The following BIRC2 variants were observed in gnomAD, a reference collection of about 807,000 sequenced individuals.
BIRC2 encodes the protein baculoviral IAP repeat-containing protein 2.
In BIRC2, 18 loss-of-function variants were observed where a neutral mutation model predicts 60.9. The ratio of observed to expected loss-of-function variants is 0.30; its 90% confidence interval spans 0.20 to 0.44. The LOEUF (loss-of-function observed/expected upper bound fraction) is 0.44, where lower values mean the gene tolerates loss of function less well. Ranked by LOEUF, BIRC2 falls within the 20% of genes least tolerant of loss-of-function variation. BIRC2 has a pLI of 1.00. For missense variants in BIRC2, 701 were observed against 728.5 expected (o/e 0.96, Z 0.43); for synonymous variants, 282 against 247.7 (o/e 1.14, Z -1.30).
chr11:102,374,608 C>A (rs1951682369), intron 6 of BIRC2, among the ~76,000 whole-genome samples: 1 of 151,498 alleles, frequency 6.6e-6, no homozygotes, highest in African/African-American at 2.4e-5. Flanking sequence ...GCAGAGGTTA[C>A]TGCTGTCTTT....
At chr11:102,369,499 A>ATT (rs1391341276) in intron 6 of BIRC2, among the ~76,000 whole-genome samples, 2 of 150,962 alleles carry the variant, frequency 1.3e-5, no homozygotes, top group Non-Finnish European at 3.0e-5. Context: ...CGAACTCATC[A>ATT]TTTTTTATGG....
At chr11:102,363,491 A>G (rs930680469) in intron 4 of BIRC2, among the ~76,000 whole-genome samples, 177 bp from the exon 5 acceptor site, 3 of 152,228 alleles carry the variant, frequency 2.0e-5, no homozygotes, top group African/African-American at 4.8e-5. Flanking sequence ...TTGGGATGAC[A>G]TGAAATTTAA....
intron 3 of BIRC2, among the ~76,000 whole-genome samples, chr11:102,354,944 G>GTTTTTTTTTTTTTTTTTT (rs61520984): frequency 1.1e-5 from 1 of 89,648 alleles, no homozygotes; most frequent in East Asian, 3.2e-4. Context: ...AATTATTTGG[G>GTTTTTTTTTTTTTTTTTT]TTTTTTTTTT....
At chr11:102,351,917 C>T (rs1951367150) in intron 3 of BIRC2, among the ~76,000 whole-genome samples, 1 of 152,020 alleles carries the variant, frequency 6.6e-6, no homozygotes, top group South Asian at 2.1e-4. Context: ...ATAACATTTA[C>T]CATCTTAACC....
chr11:102,374,992 C>T (rs1340169434), intron 6 of BIRC2, among the ~76,000 whole-genome samples: 1 of 152,226 alleles, frequency 6.6e-6, no homozygotes, highest in Non-Finnish European at 1.5e-5. Context: ...CCTTGGGCTT[C>T]CCAAGTGTGG....
intron 3 of BIRC2, among the ~76,000 whole-genome samples, chr11:102,354,350 T>C (rs973936497): frequency 1.3e-5 from 2 of 152,194 alleles, no homozygotes; most frequent in African/African-American, 4.8e-5. Flanking sequence ...GCTGACATTA[T>C]AGGCACCTGC....
rs1182821566 is a variant in BIRC2, at chr11:102,362,692, AT to A, written c.996-203del. 2.0e-5 allele frequency: 9 copies of A among 449,230 alleles called. No individual in the cohort carries two copies. The East Asian group carries it at 3.0e-4, about 15-fold the overall frequency. The allele number at this position is 449,230 out of a possible 1,614,324, so 27.8% of individuals were successfully genotyped here. On this transcript the variant is annotated intron_variant, in intron 3 of 8. Transcript: ENST00000227758. ...TTGTGTTAATGGATTGAATTAGAAA[AT>A]ACCGTGATATATAACACACAGAAGG...
chr11:102,363,550 T>G (rs182829559), intron 4 of BIRC2, 118 bp from the exon 5 acceptor site: 1 of 622,190 alleles, frequency 1.6e-6, no homozygotes, highest in African/African-American at 1.9e-5. Context: ...AGGTCATAAA[T>G]CACTCAGTTC....
intron 4 of BIRC2, among the ~76,000 whole-genome samples, chr11:102,363,405 A>G (rs1157364425): frequency 6.6e-6 from 1 of 152,152 alleles, no homozygotes; most frequent in Non-Finnish European, 1.5e-5. Flanking sequence ...TTAAAATCTT[A>G]TTTTCCAAAT....
At chr11:102,356,253 T>G (rs1951418803) in intron 3 of BIRC2, among the ~76,000 whole-genome samples, 1 of 150,332 alleles carries the variant, frequency 6.7e-6, no homozygotes, top group Non-Finnish European at 1.5e-5. Flanking sequence ...TAGAATGCAG[T>G]GGCGCAATCT....
chr11:102,375,623 A>AT (rs1951702777), intron 6 of BIRC2, among the ~76,000 whole-genome samples: 1 of 152,102 alleles, frequency 6.6e-6, no homozygotes, highest in African/African-American at 2.4e-5. Flanking sequence ...GACTAAAAAT[A>AT]CAAAAAATTA....
At position 102,347,618 on chromosome 11, in the gene BIRC2, G is replaced by GCCT. The variant is rs147195820; in HGVS notation, c.-1258+244_-1258+246dup. 1,438 of 152,402 alleles carry GCCT rather than the reference G, an allele frequency of 9.4e-3. 20 individuals carry two copies. Among genetic ancestry groups the GCCT allele is most frequent in the African/African-American group, 0.033 (1,364 of 41,586 alleles). The allele number at this position is 152,402 out of a possible 1,614,324, so 9.4% of individuals were successfully genotyped here. ...GATTTTTAAAATGACTTGTTTTCAA[G>GCCT]CCTCTGGCCGCCGCCCACTCTTCTG... is the stretch of plus-strand genomic sequence containing the variant. On this transcript the variant is annotated intron_variant, in intron 1 of 8. Transcript: ENST00000227758.
intron 3 of BIRC2, among the ~76,000 whole-genome samples, chr11:102,353,844 C>A (rs1240206551): frequency 6.6e-6 from 1 of 152,028 alleles, no homozygotes; most frequent in African/African-American, 2.4e-5. Context: ...TCACCTACCC[C>A]CTTATCCCTG....
rs1260375933 is a variant in BIRC2 at position 102,348,850 on chromosome 11, A to G, written c.-1005A>G. On this transcript the variant is annotated 5_prime_UTR_variant, in exon 2 of 9. Coordinates refer to ENST00000227758, the MANE Select transcript of BIRC2 (RefSeq NM_001166.5). ...TTTGTTAGGCGTTTCTGATAACACTAGAAAGGACAAGTTTTATCTTGTGAT... is the reference window on the plus strand; with the variant it reads ...TTTGTTAGGCGTTTCTGATAACACTGGAAAGGACAAGTTTTATCTTGTGAT... 6 of 208,614 alleles carry G rather than the reference A, an allele frequency of 2.9e-5. No individual in the cohort carries two copies. The South Asian group carries it at 3.0e-4, about 10-fold the overall frequency. The allele number at this position is 208,614 out of a possible 1,614,324, so 12.9% of individuals were successfully genotyped here.
rs56388116 is a variant in BIRC2, at chr11:102,353,661, A to ACCTTATGTAG, written c.995+2719_995+2728dup. 4.9e-5 allele frequency among the ~76,000 whole-genome samples: 6 copies of ACCTTATGTAG among 123,624 alleles called. No homozygotes were observed. The East Asian group carries it at 1.4e-3, about 29-fold the overall frequency. The allele number at this position is 123,624 out of a possible 152,430, so 81.1% of individuals were successfully genotyped here. A position where few individuals can be genotyped will look rare whatever the true frequency, so the allele number is the denominator to read the frequency against. On this transcript the variant is annotated intron_variant, in intron 3 of 8. Coordinates refer to ENST00000227758, the MANE Select transcript of BIRC2 (RefSeq NM_001166.5). ...AATCTTTAATCTCAGTAAATCCATC[A>ACCTTATGTAG]CCTTATGTAGTAACTTTCTTTTTTT...
At position 102,378,325 on chromosome 11, in the gene BIRC2, C is replaced by CAAA. The variant is rs1951737405; in HGVS notation, c.*142_*143insAAA. The CAAA allele has an allele frequency of 1.6e-6, 1 of 624,140 alleles. No individual in the cohort carries two copies. The highest frequency in any genetic ancestry group is 1.9e-5 in the African/African-American group (1 of 53,026). 38.7% of individuals were successfully genotyped at this position (624,140 alleles called of 1,614,324 possible). A position where few individuals can be genotyped will look rare whatever the true frequency, so the allele number is the denominator to read the frequency against. ...TCTAGTCTGCTTTGGTACTAATAAT[C>CAAA]TTGTTTCTGAAAAGATGGTATCATA... On this transcript the variant is annotated 3_prime_UTR_variant, in exon 9 of 9. Transcript: ENST00000227758.
At chr11:102,360,623 A>G (rs978512631) in intron 3 of BIRC2, among the ~76,000 whole-genome samples, 4 of 146,974 alleles carry the variant, frequency 2.7e-5, no homozygotes, top group Admixed American at 6.7e-5. Flanking sequence ...TAGTTCATAG[A>G]TCTCCATTTC....
In BIRC2 at chr11:102,348,996, C is replaced by G. The variant is rs1003703421; in HGVS notation, c.-859C>G. 1 of 154,134 alleles carries G rather than the reference C, an allele frequency of 6.5e-6. No homozygotes were observed. Among genetic ancestry groups the G allele is most frequent in the Non-Finnish European group, 1.4e-5 (1 of 69,294 alleles). 9.5% of individuals were successfully genotyped at this position (154,134 alleles called of 1,614,324 possible). ...TGTGCTGTGGAAATTTTATGGCTAA[C>G]TAAGTTTATGGAGAAAATACCTTCA... On this transcript the variant is annotated 5_prime_UTR_variant, in exon 2 of 9. Transcript: ENST00000227758.
At chr11:102,348,038 T>C (rs1951311986) in intron 1 of BIRC2, among the ~76,000 whole-genome samples, 2 of 152,230 alleles carry the variant, frequency 1.3e-5, no homozygotes, top group African/African-American at 4.8e-5. Flanking sequence ...CACAGGCCAC[T>C]GTGTTAGGTT....
Sources: gnomAD v4.1 joint callset for allele counts (sites outside exome capture counted in the v4.1 genomes callset) on GRCh38, gnomAD v4.1.1 for gene constraint, MANE v1.5 for transcripts, NCBI Gene and HGNC (gene_info 2026-07-23, HGNC 2026-07-21) for gene names.